SUMF1: variants seen among roughly 807,000 people sequenced by gnomAD.
The protein encoded by SUMF1 is formylglycine-generating enzyme.
SUMF1 carries 48 observed loss-of-function variants against 47.6 expected under a neutral mutation model. The observed-to-expected ratio is 1.01, with a 90% confidence interval of 0.80 to 1.28. SUMF1 has a LOEUF of 1.28. SUMF1 is among the 50% of genes most tolerant of loss of function. SUMF1 has a pLI of 0.00. For synonymous variants in SUMF1, 230 were observed against 192.1 expected, an observed-to-expected ratio of 1.20 and a Z score of -1.63; for missense variants, 571 against 485.4, an observed-to-expected ratio of 1.18 and a Z score of -1.66.
At chr3:4,152,188 T>C (rs999567878) in intron 8 of SUMF1, among the ~76,000 whole-genome samples, 4 of 151,610 alleles carry the variant, frequency 2.6e-5, no homozygotes, top group Non-Finnish European at 5.9e-5. Flanking sequence ...ATGTTTGAAA[T>C]GAACTTAGAA....
chr3:4,362,057 T>C lies in SUMF1; in HGVS notation c.*87A>G, dbSNP rs1699776617. 1 of 1,339,180 alleles carries C rather than the reference T, an allele frequency of 7.5e-7. No homozygotes were observed. Among genetic ancestry groups the C allele is most frequent in the Non-Finnish European group, 1.1e-6 (1 of 940,226 alleles). The allele number at this position is 1,339,180 out of a possible 1,614,324, so 83.0% of individuals were successfully genotyped here. On this transcript the variant is annotated 3_prime_UTR_variant, in exon 9 of 9. Transcript: ENST00000272902. ...AACCCACCTCAGGGTGGGAATTCTT[T>C]GCATGGGATCGTTCAAAGTTCTGAG... is the stretch of plus-strand genomic sequence containing the variant.
Position 4,384,695 on chromosome 3 carries a change from T to C in SUMF1, c.955-8306A>G, listed in dbSNP as rs532699844. 2.0e-3 allele frequency among the ~76,000 whole-genome samples: 306 copies of C among 152,270 alleles called. 1 individual carries two copies. The highest frequency in any genetic ancestry group is 4.6e-3 in the South Asian group (22 of 4,824). On this transcript the variant is annotated intron_variant, in intron 7 of 8. Coordinates refer to ENST00000272902, the MANE Select transcript of SUMF1 (RefSeq NM_182760.4). ...CTTATTACTATTGAGTAGTATTCCA[T>C]GGTGTGGATGTATCGGTTTGTTTAA...
At position 4,258,823 on chromosome 3, in the gene SUMF1, T is replaced by C. The variant is rs1350022036; in HGVS notation, c.1014+117507A>G. On this transcript the variant is annotated intron_variant and NMD_transcript_variant, in intron 8 of 12. Transcript: ENST00000448413. ...AAAGACACATGCACACATATGTTTA[T>C]TGCGGCATTATTCACAATAGCAAAG... Among the ~76,000 whole-genome samples the C allele has an allele frequency of 2.6e-3, 349 of 136,786 alleles. 5 individuals are homozygous for C. Among genetic ancestry groups the C allele is most frequent in the African/African-American group, 9.0e-3 (328 of 36,610 alleles). The allele number at this position is 136,786 out of a possible 152,430, so 89.7% of individuals were successfully genotyped here. A position where few individuals can be genotyped will look rare whatever the true frequency, so the allele number is the denominator to read the frequency against.
At chr3:4,284,707 A>G (rs1697597531) in intron 8 of SUMF1, among the ~76,000 whole-genome samples, 1 of 152,118 alleles carries the variant, frequency 6.6e-6, no homozygotes, top group African/African-American at 2.4e-5. Flanking sequence ...TCAAATCAGG[A>G]AAGGCAAAAA....
chr3:4,038,729 G>T (rs759403596), intron 9 of SUMF1, among the ~76,000 whole-genome samples: 2 of 152,184 alleles, frequency 1.3e-5, no homozygotes, highest in African/African-American at 2.4e-5. Context: ...AGGGCAGCAG[G>T]AATAGAACCA....
At chr3:4,080,978 A>G (rs549911350) in intron 8 of SUMF1, among the ~76,000 whole-genome samples, 1 of 152,268 alleles carries the variant, frequency 6.6e-6, no homozygotes, top group African/African-American at 2.4e-5. Flanking sequence ...AGTTTGCTCA[A>G]CTGAAAAATG....
intron 7 of SUMF1, among the ~76,000 whole-genome samples, chr3:4,379,097 T>G (rs1161917539): frequency 6.6e-6 from 1 of 152,176 alleles, no homozygotes; most frequent in East Asian, 1.9e-4. Flanking sequence ...ATAAAACTAT[T>G]TTTGCTAGCA....
Position 4,077,988 on chromosome 3 carries a change from T to G in SUMF1, c.1015-9243A>C, listed in dbSNP as rs1402154799. Among the ~76,000 whole-genome samples, 4 of 152,254 alleles carry G rather than the reference T, an allele frequency of 2.6e-5. No individual in the cohort carries two copies. The South Asian group carries it at 6.2e-4, about 24-fold the overall frequency. On this transcript the variant is annotated intron_variant and NMD_transcript_variant, in intron 8 of 12. Transcript: ENST00000448413. ...TTTTAGTCCTTTTCATGGCATTTTT[T>G]TCTTGCTTTTAAACAAGAGGGCCCA...
intron 8 of SUMF1, among the ~76,000 whole-genome samples, chr3:4,173,011 T>C (rs1340669682): frequency 1.3e-5 from 2 of 152,214 alleles, no homozygotes; most frequent in Admixed American, 6.5e-5. Context: ...CTTTAATCCA[T>C]CTTGAGTTAA....
At chr3:4,086,522 G>A (rs563596435) in intron 8 of SUMF1, among the ~76,000 whole-genome samples, 14 of 152,212 alleles carry the variant, frequency 9.2e-5, no homozygotes, top group African/African-American at 2.6e-4. Flanking sequence ...AACCTTTCCT[G>A]AGTACCAGAA....
intron 3 of SUMF1, among the ~76,000 whole-genome samples, chr3:4,429,581 A>T (rs1024941537): frequency 2.0e-5 from 3 of 152,236 alleles, no homozygotes; most frequent in Admixed American, 6.5e-5. Flanking sequence ...TATTATTTGT[A>T]AAAGACAGGA....
At chr3:4,340,565 C>CAG (rs1454862555) in intron 8 of SUMF1, among the ~76,000 whole-genome samples, 8 of 152,110 alleles carry the variant, frequency 5.3e-5, no homozygotes, top group Non-Finnish European at 1.0e-4. Context: ...GGGATGTTGC[C>CAG]AGAGAGGACT....
At chr3:4,294,196 C>T (rs926924943) in intron 8 of SUMF1, among the ~76,000 whole-genome samples, 12 of 152,022 alleles carry the variant, frequency 7.9e-5, no homozygotes, top group African/African-American at 1.7e-4. Flanking sequence ...CATAGCTATA[C>T]GTAGCTATTT....
chr3:4,161,783 G>T (rs1382933922), intron 8 of SUMF1, among the ~76,000 whole-genome samples: 1 of 152,004 alleles, frequency 6.6e-6, no homozygotes, highest in Non-Finnish European at 1.5e-5. Flanking sequence ...AAGCCTATTT[G>T]GTGCCCTACC....
intron 7 of SUMF1, among the ~76,000 whole-genome samples, chr3:4,398,422 G>T (rs1315559107): frequency 6.6e-6 from 1 of 151,856 alleles, no homozygotes; most frequent in East Asian, 1.9e-4. Context: ...AGCATAATTT[G>T]GTAACAAAAA....
chr3:4,266,913 T>A (rs1265997090), intron 8 of SUMF1, among the ~76,000 whole-genome samples: 2 of 151,298 alleles, frequency 1.3e-5, no homozygotes, highest in African/African-American at 2.4e-5. Context: ...ATACCTAATT[T>A]ATTGAGAGTT....
intron 8 of SUMF1, among the ~76,000 whole-genome samples, chr3:4,243,712 T>C (rs1213462632): frequency 6.6e-6 from 1 of 152,172 alleles, no homozygotes; most frequent in East Asian, 1.9e-4. Flanking sequence ...GTAAGTATGA[T>C]GTGGTGCTGA....
intron 8 of SUMF1, among the ~76,000 whole-genome samples, chr3:4,216,845 G>T (rs113080042): frequency 3.7e-4 from 57 of 152,108 alleles, no homozygotes; most frequent in African/African-American, 1.4e-3. Context: ...AATGGGGATC[G>T]TCAAAAAGTC....
chr3:4,324,316 A>G (rs1698897990), intron 8 of SUMF1, among the ~76,000 whole-genome samples: 1 of 152,172 alleles, frequency 6.6e-6, no homozygotes, highest in South Asian at 2.1e-4. Context: ...AATCTTTTTT[A>G]TAATATAGAC....
Sources: gnomAD v4.1 joint callset for allele counts (sites outside exome capture counted in the v4.1 genomes callset) on GRCh38, gnomAD v4.1.1 for gene constraint, MANE v1.5 for transcripts, NCBI Gene and HGNC (gene_info 2026-07-23, HGNC 2026-07-21) for gene names.